Variants in ROR1 observed in about 807,000 individuals in gnomAD.
ROR1 encodes inactive tyrosine-protein kinase transmembrane receptor ROR1.
A neutral mutation model predicts 78.8 loss-of-function variants in ROR1; 19 were observed. The observed-to-expected ratio is 0.24, with a 90% confidence interval of 0.17 to 0.35. The LOEUF (loss-of-function observed/expected upper bound fraction) is 0.35, where lower values mean the gene tolerates loss of function less well. ROR1 is among the 10% of genes least tolerant of loss of function. ROR1 has a pLI of 1.00. For missense variants in ROR1, 917 were observed against 1,177.8 expected (o/e 0.78, Z 3.24); for synonymous variants, 386 against 433.6 (o/e 0.89, Z 1.36).
chr1:64,113,449 T>C (rs150073217), intron 4 of ROR1, among the ~76,000 whole-genome samples: 1 of 152,148 alleles, frequency 6.6e-6, no homozygotes, highest in African/African-American at 2.4e-5. Flanking sequence ...ATTGTACAGA[T>C]GAGGAAGCTG....
intron 4 of ROR1, among the ~76,000 whole-genome samples, chr1:64,064,675 CAG>C (rs1195226599): frequency 5.3e-5 from 8 of 152,302 alleles, no homozygotes; most frequent in African/African-American, 1.4e-4. Context: ...GCCCAACCTT[CAG>C]GTAGAACATT....
chr1:64,016,973 A>G (rs978500754), intron 2 of ROR1, among the ~76,000 whole-genome samples: 1 of 151,768 alleles, frequency 6.6e-6, no homozygotes, highest in Non-Finnish European at 1.5e-5. Flanking sequence ...GCTGGAGTCC[A>G]GTGATGTGAT....
chr1:63,781,496 G>C (rs374460636), intron 1 of ROR1, among the ~76,000 whole-genome samples: 2 of 152,122 alleles, frequency 1.3e-5, no homozygotes, highest in Non-Finnish European at 2.9e-5. Flanking sequence ...GTGTGATTGG[G>C]GAGACACCAA....
At chr1:63,943,907 C>T (rs1645862088) in intron 1 of ROR1, among the ~76,000 whole-genome samples, 1 of 152,130 alleles carries the variant, frequency 6.6e-6, no homozygotes, top group African/African-American at 2.4e-5. Flanking sequence ...ATTCTTTCGT[C>T]TCTGTCTTTT....
intron 1 of ROR1, among the ~76,000 whole-genome samples, chr1:63,960,867 G>GT (rs930305206): frequency 6.6e-6 from 1 of 152,210 alleles, no homozygotes; most frequent in Non-Finnish European, 1.5e-5. Flanking sequence ...AAAGAAGAGA[G>GT]TAAGTGTAGA....
intron 1 of ROR1, among the ~76,000 whole-genome samples, chr1:63,830,731 C>A (rs1009614804): frequency 6.6e-6 from 1 of 152,144 alleles, no homozygotes; most frequent in Non-Finnish European, 1.5e-5. Context: ...GCTAATCGTG[C>A]CTTCCCAACA....
intron 2 of ROR1, among the ~76,000 whole-genome samples, chr1:64,013,188 G>A (rs1646491489): frequency 6.6e-6 from 1 of 152,124 alleles, no homozygotes; most frequent in African/African-American, 2.4e-5. Context: ...GGGTTAATAT[G>A]GTTATTACTT....
At chr1:64,023,531 A>AAAAAC (rs3031260) in intron 2 of ROR1, among the ~76,000 whole-genome samples, 3,509 of 152,184 alleles carry the variant, frequency 0.023, 138 homozygotes, top group African/African-American at 0.081. Flanking sequence ...TTCTTCCTTT[A>AAAAAC]AAAACAAAAC....
chr1:63,871,017 C>T (rs1283034902), intron 1 of ROR1, among the ~76,000 whole-genome samples: 1 of 152,198 alleles, frequency 6.6e-6, no homozygotes. Flanking sequence ...GCCCACCTCA[C>T]TTGGTTGTGG....
At chr1:64,030,302 G>A (rs142407483) in intron 2 of ROR1, among the ~76,000 whole-genome samples, 10 of 152,256 alleles carry the variant, frequency 6.6e-5, no homozygotes, top group African/African-American at 2.4e-4. Context: ...TGCTTGAGGG[G>A]TTTAGACTGA....
rs901888063 is a variant in ROR1 at position 63,939,729 on chromosome 1, G to A, written c.92-69576G>A. On this transcript the variant is annotated intron_variant, in intron 1 of 8. Coordinates refer to ENST00000371079, the MANE Select transcript of ROR1 (RefSeq NM_005012.4). Reference sequence around the variant, plus strand: ...ACCTACCATGGAGGGGTGTTACAAAGATTAGAAAGAATGTCCTTGGAGGAT... The same window carrying A: ...ACCTACCATGGAGGGGTGTTACAAAAATTAGAAAGAATGTCCTTGGAGGAT... Among the ~76,000 whole-genome samples, 27 of 152,242 alleles carry A rather than the reference G, an allele frequency of 1.8e-4. 1 individual carries two copies. Among genetic ancestry groups the A allele is most frequent in the Admixed American group, 1.0e-3 (16 of 15,294 alleles).
At chr1:63,921,507 A>G (rs1309121061) in intron 1 of ROR1, among the ~76,000 whole-genome samples, 3 of 152,100 alleles carry the variant, frequency 2.0e-5, no homozygotes, top group Non-Finnish European at 4.4e-5. Context: ...GCCCCAGTTT[A>G]ACATGATCAT....
chr1:64,114,700 T>C (rs554113625), intron 4 of ROR1, among the ~76,000 whole-genome samples: 2 of 152,256 alleles, frequency 1.3e-5, no homozygotes, highest in South Asian at 2.1e-4. Flanking sequence ...GGGTATCAAC[T>C]GCCTTTCAGT....
At chr1:63,806,337 A>C (rs548748306) in intron 1 of ROR1, among the ~76,000 whole-genome samples, 46 of 109,386 alleles carry the variant, frequency 4.2e-4, no homozygotes, top group Middle Eastern at 6.9e-3. Context: ...TTTTTTTTTG[A>C]GATGGAGTCT....
At chr1:63,917,124 A>G (rs1258958158) in intron 1 of ROR1, among the ~76,000 whole-genome samples, 2 of 152,096 alleles carry the variant, frequency 1.3e-5, no homozygotes, top group Non-Finnish European at 2.9e-5. Flanking sequence ...GACCTCTTAC[A>G]TTGGTCACTG....
intron 1 of ROR1, among the ~76,000 whole-genome samples, chr1:63,820,267 C>T (rs1250099292): frequency 6.6e-6 from 1 of 152,122 alleles, no homozygotes; most frequent in African/African-American, 2.4e-5. Context: ...CCCTGTCCCC[C>T]TGCAAGCCCT....
At chr1:63,933,415 C>T (rs1264144724) in intron 1 of ROR1, among the ~76,000 whole-genome samples, 4 of 152,148 alleles carry the variant, frequency 2.6e-5, no homozygotes, top group Non-Finnish European at 4.4e-5. Context: ...CAGAAGTGGG[C>T]TTAAATAGCC....
intron 1 of ROR1, among the ~76,000 whole-genome samples, chr1:63,934,472 T>C (rs1569936594): frequency 6.6e-6 from 1 of 152,280 alleles, no homozygotes; most frequent in African/African-American, 2.4e-5. Flanking sequence ...AGTAAGCATA[T>C]AACAAATATT....
chr1:64,101,836 C>T (rs533494784), intron 4 of ROR1, among the ~76,000 whole-genome samples: 23 of 152,232 alleles, frequency 1.5e-4, no homozygotes, highest in Admixed American at 6.5e-4. Context: ...TCCAGGCAAA[C>T]GGGACAGCTA....
Sources: gnomAD v4.1 joint callset for allele counts (sites outside exome capture counted in the v4.1 genomes callset) on GRCh38, gnomAD v4.1.1 for gene constraint, MANE v1.5 for transcripts, NCBI Gene and HGNC (gene_info 2026-07-23, HGNC 2026-07-21) for gene names.